SGK1: variants seen among roughly 807,000 people sequenced by gnomAD.
The protein encoded by SGK1 is serine/threonine-protein kinase Sgk1.
SGK1 carries 26 observed loss-of-function variants against 64.2 expected under a neutral mutation model. The ratio of observed to expected loss-of-function variants is 0.40; its 90% CI spans 0.30 to 0.56. The LOEUF (loss-of-function observed/expected upper bound fraction) is 0.56, where lower values mean the gene tolerates loss of function less well. SGK1 is among the 20% of genes least tolerant of loss of function. The pLI, the probability that SGK1 is intolerant of heterozygous loss-of-function variation, is 0.38. For synonymous variants in SGK1, 265 were observed against 239.7 expected (o/e 1.11, Z -0.98); for missense variants, 519 against 645.6 (o/e 0.80, Z 2.12).
chr6:134,215,596 A>G (rs1449618230), intron 2 of SGK1, among the ~76,000 whole-genome samples: 1 of 151,960 alleles, frequency 6.6e-6, no homozygotes, highest in African/African-American at 2.4e-5. Flanking sequence ...CCAGGCAGTG[A>G]GCACATGCGC....
At chr6:134,221,632 A>C (rs1403544388) in intron 2 of SGK1, among the ~76,000 whole-genome samples, 1 of 151,208 alleles carries the variant, frequency 6.6e-6, no homozygotes, top group Non-Finnish European at 1.5e-5. Flanking sequence ...TGAGTCCTAA[A>C]CGGGTGCTTG....
At chr6:134,295,600 G>A (rs958004042) in intron 1 of SGK1, among the ~76,000 whole-genome samples, 1 of 152,098 alleles carries the variant, frequency 6.6e-6, no homozygotes, top group Non-Finnish European at 1.5e-5. Flanking sequence ...GCTACTGGGG[G>A]ACTGAGGCAG....
chr6:134,301,780 G>A (rs1337870367), intron 1 of SGK1, among the ~76,000 whole-genome samples: 1 of 151,896 alleles, frequency 6.6e-6, no homozygotes, highest in Admixed American at 6.6e-5. Context: ...ATTTCCTGGA[G>A]ACCTGAGGGT....
At chr6:134,194,608 G>A (rs1242419741) in intron 3 of SGK1, among the ~76,000 whole-genome samples, 10 of 147,296 alleles carry the variant, frequency 6.8e-5, no homozygotes, top group Admixed American at 1.4e-4. Context: ...AACCTCCGCC[G>A]CCTCCCGGGT....
Position 134,170,837 on chromosome 6 carries a change from TA to T in SGK1, c.1401del (p.Phe467LeufsTer5). On this transcript the variant is annotated frameshift_variant, in exon 13 of 14. Transcript: ENST00000367858. LOFTEE classifies it high-confidence loss of function. ...DLINKKITPP[F>X]NPNVSGPNDL... ...AGACAGATACTCACCACATTTGGGT[TA>T]AAAGGGGGAGTAATCTTCTTATTAA... The T allele has an allele frequency of 6.2e-7, 1 of 1,601,666 alleles. No individual in the cohort carries two copies. Among genetic ancestry groups the T allele is most frequent in the Non-Finnish European group, 8.6e-7 (1 of 1,168,772 alleles).
chr6:134,227,736 T>C (rs780894257), intron 2 of SGK1, among the ~76,000 whole-genome samples: 3 of 152,180 alleles, frequency 2.0e-5, no homozygotes, highest in Non-Finnish European at 4.4e-5. Context: ...GAAAAGTAAA[T>C]GCAGTTAGCT....
chr6:134,284,587 C>A (rs780006593), intron 1 of SGK1, among the ~76,000 whole-genome samples: 1 of 151,392 alleles, frequency 6.6e-6, no homozygotes, highest in Non-Finnish European at 1.5e-5. Context: ...TAGGTTCAAG[C>A]GATTCTCCTG....
At chr6:134,303,751 T>C (rs1340336702) in intron 1 of SGK1, among the ~76,000 whole-genome samples, 2 of 150,344 alleles carry the variant, frequency 1.3e-5, no homozygotes, top group Non-Finnish European at 3.0e-5. Flanking sequence ...GCCACTGGAC[T>C]CCAGCCTGAG....
At chr6:134,233,659 A>G (rs1776323006) in intron 2 of SGK1, among the ~76,000 whole-genome samples, 1 of 152,226 alleles carries the variant, frequency 6.6e-6, no homozygotes, top group Non-Finnish European at 1.5e-5. Flanking sequence ...CCTGCTTTCC[A>G]AAAAGAAAAA....
Position 134,171,747 on chromosome 6 carries a change from A to AG in SGK1, c.1072-16dup, listed in dbSNP as rs753757475. 1.5e-5 allele frequency: 23 copies of AG among 1,576,048 alleles called. No homozygotes were observed. The Middle Eastern group carries it at 1.5e-3, about 103-fold the overall frequency. ...GGTGCGAGATACTGAAAAACAGACC[A>AG]GGGAAACAGCGTTTAGAACCTGCGA... On this transcript the variant is annotated splice_polypyrimidine_tract_variant and intron_variant, in intron 10 of 13. Coordinates refer to ENST00000367858, the MANE Select transcript of SGK1 (RefSeq NM_001143676.3).
At chr6:134,254,687 G>A (rs1257561587) in intron 2 of SGK1, among the ~76,000 whole-genome samples, 1 of 152,058 alleles carries the variant, frequency 6.6e-6, no homozygotes, top group Non-Finnish European at 1.5e-5. Flanking sequence ...ATACTTCCAC[G>A]TCTTTTAATT....
intron 3 of SGK1, among the ~76,000 whole-genome samples, chr6:134,177,298 T>C (rs1225798406): frequency 6.6e-6 from 1 of 151,948 alleles, no homozygotes; most frequent in Non-Finnish European, 1.5e-5. Flanking sequence ...CCTAAAGCAA[T>C]GTTTAGGCAA....
chr6:134,298,267 A>C (rs1239595168), intron 1 of SGK1: 1 of 1,569,064 alleles, frequency 6.4e-7, no homozygotes, highest in Admixed American at 1.7e-5. Flanking sequence ...AAGGTTGTTG[A>C]AGTAGCTCTC....
intron 1 of SGK1, among the ~76,000 whole-genome samples, chr6:134,300,843 A>G (rs1321547939): frequency 2.0e-5 from 3 of 151,802 alleles, no homozygotes; most frequent in Non-Finnish European, 4.4e-5. Context: ...CATCTTGGCT[A>G]GGCTGGTCTT....
intron 3 of SGK1, among the ~76,000 whole-genome samples, chr6:134,180,786 G>A (rs1007333405): frequency 5.9e-5 from 9 of 151,470 alleles, no homozygotes; most frequent in East Asian, 1.9e-4. Context: ...TGGGAGAATC[G>A]CTTGAGCCCA....
At chr6:134,180,620 C>A (rs1775316548) in intron 3 of SGK1, among the ~76,000 whole-genome samples, 1 of 152,062 alleles carries the variant, frequency 6.6e-6, no homozygotes, top group Non-Finnish European at 1.5e-5. Flanking sequence ...CACCTCTAAT[C>A]CCAGCACTTT....
intron 3 of SGK1, among the ~76,000 whole-genome samples, chr6:134,179,494 CTTT>C (rs5880206): frequency 0.011 from 1,359 of 128,266 alleles, 26 homozygotes; most frequent in African/African-American, 0.037. Flanking sequence ...AAAGGCATGT[CTTT>C]TTTTTTTTTT....
chr6:134,268,204 T>C (rs527406387), intron 1 of SGK1, among the ~76,000 whole-genome samples: 11 of 151,964 alleles, frequency 7.2e-5, no homozygotes, highest in Admixed American at 1.3e-4. Context: ...CTGGAGGGAG[T>C]AGCTGACTGT....
intron 2 of SGK1, among the ~76,000 whole-genome samples, chr6:134,240,890 T>A (rs1487854718): frequency 2.0e-5 from 3 of 152,050 alleles, no homozygotes; most frequent in African/African-American, 4.8e-5. Context: ...TTCTTGAAAG[T>A]CAAGTTAGTG....
Sources: gnomAD v4.1 joint callset for allele counts (sites outside exome capture counted in the v4.1 genomes callset) on GRCh38, gnomAD v4.1.1 for gene constraint, MANE v1.5 for transcripts, NCBI Gene and HGNC (gene_info 2026-07-23, HGNC 2026-07-21) for gene names.